The following ERC2 variants were observed in gnomAD, a reference collection of about 807,000 sequenced individuals.
ERC2 encodes ELKS/RAB6-interacting/CAST family member 2.
In ERC2, 42 loss-of-function variants were observed where a neutral mutation model predicts 114.8. The observed-to-expected ratio is 0.37, with a 90% CI of 0.29 to 0.47. The LOEUF (loss-of-function observed/expected upper bound fraction) is 0.47. Ranked by LOEUF, ERC2 falls within the 20% of genes least tolerant of loss-of-function variation. The pLI, the probability that ERC2 is intolerant of heterozygous loss-of-function variation, is 0.99. For synonymous variants in ERC2, 454 were observed against 425.5 expected, an observed-to-expected ratio of 1.07 and a Z score of -0.82; for missense variants, 939 against 1,150.7, an observed-to-expected ratio of 0.82 and a Z score of 2.66.
chr3:56,280,168 A>AG (rs1468566106), intron 3 of ERC2, among the ~76,000 whole-genome samples: 2 of 152,062 alleles, frequency 1.3e-5, no homozygotes, highest in Admixed American at 6.5e-5. Context: ...TGGAAAATGG[A>AG]GGGGGGTGCC....
chr3:55,940,767 A>C (rs1306524279), intron 13 of ERC2, among the ~76,000 whole-genome samples: 3 of 152,258 alleles, frequency 2.0e-5, no homozygotes, highest in African/African-American at 7.2e-5. Context: ...ACATTTAAGA[A>C]GCATTTAAGT....
chr3:55,597,751 A>G (rs1253997061), intron 17 of ERC2, among the ~76,000 whole-genome samples: 1 of 152,190 alleles, frequency 6.6e-6, no homozygotes, highest in Non-Finnish European at 1.5e-5. Context: ...GTAGGCATCA[A>G]TGAACATGTG....
chr3:56,451,974 G>C (rs2062844931), intron 1 of ERC2, among the ~76,000 whole-genome samples: 2 of 152,202 alleles, frequency 1.3e-5, no homozygotes, highest in Non-Finnish European at 2.9e-5. Context: ...GGAAAAAAGA[G>C]TGTAGTAACA....
At chr3:56,127,088 A>T (rs2079921572) in intron 6 of ERC2, among the ~76,000 whole-genome samples, 2 of 152,232 alleles carry the variant, frequency 1.3e-5, no homozygotes, top group Non-Finnish European at 2.9e-5. Context: ...GCTGTAAAAA[A>T]ATATATAAAA....
intron 14 of ERC2, among the ~76,000 whole-genome samples, chr3:55,845,161 T>C (rs2061296114): frequency 6.6e-6 from 1 of 152,122 alleles, no homozygotes. Flanking sequence ...TAACAGGACA[T>C]GGATCAGTAT....
At chr3:56,082,049 C>T (rs915193092) in intron 6 of ERC2, among the ~76,000 whole-genome samples, 1 of 151,948 alleles carries the variant, frequency 6.6e-6, no homozygotes, top group Admixed American at 6.6e-5. Flanking sequence ...ATAAGTTACT[C>T]CCAAAGCATT....
chr3:55,703,077 T>G (rs995083535), intron 15 of ERC2, among the ~76,000 whole-genome samples: 3 of 152,198 alleles, frequency 2.0e-5, no homozygotes, highest in South Asian at 2.1e-4. Flanking sequence ...TCCTCTTTCT[T>G]CAAGGCGCCA....
rs537444625 is a variant in ERC2 at position 55,832,384 on chromosome 3, C to T, written c.2564+56005G>A. On this transcript the variant is annotated intron_variant, in intron 14 of 17. Transcript: ENST00000288221. ...AGTAGGGGCAGACTGACACTTCACA[C>T]GGCCGGGTACTCCTCTGAGACAAAA... Among the ~76,000 whole-genome samples the T allele has an allele frequency of 1.4e-3, 217 of 152,318 alleles. 2 individuals carry two copies. Among genetic ancestry groups the T allele is most frequent in the African/African-American group, 4.5e-3 (186 of 41,576 alleles).
chr3:55,865,206 C>A (rs1257726373), intron 14 of ERC2, among the ~76,000 whole-genome samples: 3 of 152,090 alleles, frequency 2.0e-5, no homozygotes, highest in Non-Finnish European at 4.4e-5. Flanking sequence ...GTACTTACTA[C>A]AAGACTCAAA....
At chr3:55,880,790 CAA>C (rs200308050) in intron 14 of ERC2, among the ~76,000 whole-genome samples, 22 of 124,368 alleles carry the variant, frequency 1.8e-4, no homozygotes, top group African/African-American at 3.7e-4. Flanking sequence ...AGTATTATAG[CAA>C]AAAAAAAAAA....
At chr3:55,632,934 C>G (rs2059814844) in intron 17 of ERC2, among the ~76,000 whole-genome samples, 1 of 152,190 alleles carries the variant, frequency 6.6e-6, no homozygotes, top group African/African-American at 2.4e-5. Context: ...TGTTCAAATT[C>G]CTAGTATGTG....
intron 1 of ERC2, among the ~76,000 whole-genome samples, chr3:56,445,618 G>A (rs1442524771): frequency 2.0e-5 from 3 of 151,990 alleles, no homozygotes; most frequent in Admixed American, 6.6e-5. Context: ...AAACCAAAAC[G>A]CTTCCCATGG....
intron 12 of ERC2, among the ~76,000 whole-genome samples, chr3:55,961,341 A>G (rs988298334): frequency 1.3e-5 from 2 of 151,932 alleles, no homozygotes. Context: ...ATCACTGATA[A>G]CTCATATTTA....
At chr3:55,987,271 C>A (rs2070710507) in intron 11 of ERC2, among the ~76,000 whole-genome samples, 1 of 152,204 alleles carries the variant, frequency 6.6e-6, no homozygotes, top group Non-Finnish European at 1.5e-5. Context: ...CCCAAGCTGC[C>A]ATTTCAAATC....
intron 2 of ERC2, among the ~76,000 whole-genome samples, chr3:56,406,746 G>A (rs1425165231): frequency 1.3e-5 from 2 of 152,096 alleles, no homozygotes; most frequent in Non-Finnish European, 2.9e-5. Context: ...GTGTTTATAG[G>A]AAAGAGAGAG....
chr3:55,841,220 T>C (rs760413235), intron 14 of ERC2, among the ~76,000 whole-genome samples: 3 of 152,222 alleles, frequency 2.0e-5, no homozygotes, highest in African/African-American at 4.8e-5. Context: ...TCATCTTGAA[T>C]TGTAGCTCCC....
chr3:55,834,317 GCACCA>G (rs1482515803), intron 14 of ERC2, among the ~76,000 whole-genome samples: 1 of 151,936 alleles, frequency 6.6e-6, no homozygotes, highest in Non-Finnish European at 1.5e-5. Context: ...ATTTTTTTCA[GCACCA>G]CACCACACCT....
chr3:55,650,271 C>G (rs2060561679), intron 17 of ERC2, among the ~76,000 whole-genome samples: 1 of 152,166 alleles, frequency 6.6e-6, no homozygotes, highest in Non-Finnish European at 1.5e-5. Context: ...GCAAGGCTCC[C>G]CAGTTCTCCT....
chr3:56,163,452 G>A (rs193283624), intron 4 of ERC2, among the ~76,000 whole-genome samples: 1 of 152,152 alleles, frequency 6.6e-6, no homozygotes, highest in Non-Finnish European at 1.5e-5. Context: ...TCTGTCTAAT[G>A]CTCACAGTGG....
Sources: gnomAD v4.1 joint callset for allele counts (sites outside exome capture counted in the v4.1 genomes callset) on GRCh38, gnomAD v4.1.1 for gene constraint, MANE v1.5 for transcripts, NCBI Gene and HGNC (gene_info 2026-07-23, HGNC 2026-07-21) for gene names.